The following TOPAZ1 variants were observed in gnomAD, a reference collection of about 807,000 sequenced individuals.
The protein encoded by TOPAZ1 is protein TOPAZ1.
In TOPAZ1, 66 loss-of-function variants were observed where a neutral mutation model predicts 172.2. That is an observed-to-expected ratio of 0.38 (90% CI 0.31 to 0.47). TOPAZ1 has a LOEUF of 0.47. Ranked by LOEUF, TOPAZ1 falls within the 20% of genes least tolerant of loss-of-function variation. TOPAZ1 has a pLI of 0.99. For synonymous variants in TOPAZ1, 681 were observed against 683.9 expected (o/e 1.00, Z 0.07); for missense variants, 1,822 against 1,972.4 (o/e 0.92, Z 1.44).
At chr3:44,292,674 T>C (rs543680887) in intron 12 of TOPAZ1, among the ~76,000 whole-genome samples, 1 of 152,336 alleles carries the variant, frequency 6.6e-6, no homozygotes, top group African/African-American at 2.4e-5. Flanking sequence ...TGTGTAATAG[T>C]TGTATATGTT....
intron 5 of TOPAZ1, among the ~76,000 whole-genome samples, chr3:44,264,377 C>G (rs1699806732): frequency 6.6e-6 from 1 of 152,222 alleles, no homozygotes; most frequent in Non-Finnish European, 1.5e-5. Context: ...GTTATGCTTA[C>G]ACTGTACTTT....
chr3:44,282,208 A>G (rs1482111297), intron 9 of TOPAZ1, among the ~76,000 whole-genome samples, 177 bp downstream of exon 9: 3 of 152,324 alleles, frequency 2.0e-5, no homozygotes, highest in Non-Finnish European at 2.9e-5. Context: ...AAAAATGATA[A>G]TCTACCTAAC....
Position 44,304,034 on chromosome 3 carries a change from A to G in TOPAZ1, c.3817A>G (p.Lys1273Glu). 1 of 1,538,862 alleles carries G rather than the reference A, an allele frequency of 6.5e-7. No individual in the cohort carries two copies. Among genetic ancestry groups the G allele is most frequent in the Non-Finnish European group, 8.8e-7 (1 of 1,137,062 alleles). ...TTAAAGGTTACAGATGAGACGATTTAAAAAGAACTGGAAGTGTGATTTAGA... is the reference window on the plus strand; with the variant it reads ...TTAAAGGTTACAGATGAGACGATTTGAAAAGAACTGGAAGTGTGATTTAGA... ...MKSRLQMRRF[K>E]KNWKCDLDSA... is the part of the protein sequence containing the mutation. The change falls in exon 13 of 20, where the codon AAA becomes GAA. Residue 1273 changes from lysine (K) to glutamate (E), a missense_variant. Around this residue, in one of 2 missense-constraint regions of TOPAZ1, gnomAD observed 1,489 missense variants for 1,490.8 expected, o/e 1.00. Coordinates refer to ENST00000309765, the MANE Select transcript of TOPAZ1 (RefSeq NM_001145030.2).
intron 8 of TOPAZ1, among the ~76,000 whole-genome samples, chr3:44,279,889 CCTTT>C (rs1575718751): frequency 6.6e-6 from 1 of 151,902 alleles, no homozygotes; most frequent in East Asian, 1.9e-4. Flanking sequence ...ATCCTTTGTT[CCTTT>C]CTTTCTCTCT....
intron 11 of TOPAZ1, among the ~76,000 whole-genome samples, chr3:44,290,252 G>A (rs893286996): frequency 7.9e-5 from 12 of 152,280 alleles, no homozygotes; most frequent in African/African-American, 2.6e-4. Context: ...CTTCATTAGC[G>A]TTGAGGCTCA....
intron 12 of TOPAZ1, among the ~76,000 whole-genome samples, chr3:44,295,903 C>T (rs2125695808): frequency 6.6e-6 from 1 of 152,200 alleles, no homozygotes; most frequent in Non-Finnish European, 1.5e-5. Flanking sequence ...ACACTGTACC[C>T]CAAAACAGCA....
Position 44,244,475 on chromosome 3 carries a change from A to C in TOPAZ1, c.1969A>C (p.Lys657Gln). 1 of 1,551,752 alleles carries C rather than the reference A, an allele frequency of 6.4e-7. No individual in the cohort carries two copies. Among genetic ancestry groups the C allele is most frequent in the East Asian group, 2.4e-5 (1 of 40,914 alleles). The change falls in exon 2 of 20, where the codon AAA (lysine) becomes CAA (glutamine). Residue 657 changes from lysine to glutamine, a missense_variant. Coordinates refer to ENST00000309765, the MANE Select transcript of TOPAZ1 (RefSeq NM_001145030.2). ...DGQEANNSAG[K>Q]TIHRKACIAQ... ...TCAGGAAGCAAATAACTCTGCAGGC[A>C]AAACTATTCATCGAAAAGCATGCAT...
chr3:44,265,387 C>G (rs1575711801), intron 5 of TOPAZ1, among the ~76,000 whole-genome samples: 1 of 152,198 alleles, frequency 6.6e-6, no homozygotes, highest in Middle Eastern at 3.4e-3. Context: ...TGAAACCCCA[C>G]CTCTACTAAA....
rs1361879162 is a variant in TOPAZ1, at chr3:44,323,286, C to T, written c.4666C>T (p.His1556Tyr). Residue 1556 changes from histidine (H) to tyrosine (Y), a missense_variant, in exon 18 of 20, where the codon CAC becomes TAC. Around this residue, in one of 2 missense-constraint regions of TOPAZ1, gnomAD observed 333 missense variants for 481.7 expected, o/e 0.69. Transcript: ENST00000309765. ...TCGTTTATGGCTCAAAGCCAGAGCC[C>T]ACTACAAAAGTAAGTTACATTTAAA... Reference protein sequence around the residue: ...RSRLWLKARAHYKSALSLGCY... With the variant: ...RSRLWLKARAYYKSALSLGCY... The T allele has an allele frequency of 6.5e-6, 10 of 1,539,682 alleles. No individual in the cohort carries two copies. The highest frequency in any genetic ancestry group is 8.8e-6 in the Non-Finnish European group (10 of 1,141,618).
At chr3:44,293,349 G>GTA (rs1366613478) in intron 12 of TOPAZ1, among the ~76,000 whole-genome samples, 1 of 152,044 alleles carries the variant, frequency 6.6e-6, no homozygotes, top group Non-Finnish European at 1.5e-5. Context: ...CCTCCAGAAG[G>GTA]TATTCCAGAA....
In TOPAZ1 at chr3:44,244,730, C is replaced by G; in HGVS notation, c.2224C>G (p.Pro742Ala). 1 of 1,551,474 alleles carries G rather than the reference C, an allele frequency of 6.4e-7. No homozygotes were observed. The highest frequency in any genetic ancestry group is 8.7e-7 in the Non-Finnish European group (1 of 1,146,956). ...KENVSMMMLG[P>A]QTLSIRNSVT... is the part of the protein sequence containing the mutation. The stretch of plus-strand genomic sequence containing the variant: ...AAATGTCTCCATGATGATGTTAGGA[C>G]CTCAAACTTTGAGCATACGAAATAG... Residue 742 changes from proline (P) to alanine (A), a missense_variant, in exon 2 of 20, where the codon CCT becomes GCT. Around this residue, in one of 2 missense-constraint regions of TOPAZ1, gnomAD observed 1,489 missense variants for 1,490.8 expected, o/e 1.00. Transcript: ENST00000309765.
intron 8 of TOPAZ1, among the ~76,000 whole-genome samples, chr3:44,280,863 G>T (rs968798538): frequency 1.3e-5 from 2 of 152,190 alleles, no homozygotes; most frequent in Non-Finnish European, 2.9e-5. Context: ...CCAGGGCAGG[G>T]TTACAATCTG....
At chr3:44,310,075 G>A (rs530402932) in intron 16 of TOPAZ1, 85 bp downstream of exon 16, 2 of 1,250,176 alleles carry the variant, frequency 1.6e-6, no homozygotes, top group Non-Finnish European at 2.2e-6. Flanking sequence ...AGTTGATATT[G>A]AACTGTGGTT....
At chr3:44,300,865 A>G (rs1004746423) in intron 12 of TOPAZ1, among the ~76,000 whole-genome samples, 1 of 152,180 alleles carries the variant, frequency 6.6e-6, no homozygotes, top group Non-Finnish European at 1.5e-5. Flanking sequence ...AAAAAAAAAA[A>G]AACTCAGATA....
At chr3:44,318,240 T>G (rs1700471858) in intron 16 of TOPAZ1, among the ~76,000 whole-genome samples, 1 of 152,038 alleles carries the variant, frequency 6.6e-6, no homozygotes, top group Non-Finnish European at 1.5e-5. Flanking sequence ...TCACCTGAGG[T>G]CAGGAGTTCG....
At chr3:44,319,571 T>G (rs1700487662) in intron 16 of TOPAZ1, among the ~76,000 whole-genome samples, 1 of 152,212 alleles carries the variant, frequency 6.6e-6, no homozygotes, top group African/African-American at 2.4e-5. Context: ...TAATGGGAAT[T>G]ATGTTTAACA....
Position 44,244,693 on chromosome 3 carries a change from C to A in TOPAZ1, c.2187C>A (p.Asn729Lys). Residue 729 changes from asparagine to lysine, a missense_variant, in exon 2 of 20, where the codon AAC becomes AAA. Physicochemically the swap from Asn to Lys is moderately conservative, Grantham distance 94 (BLOSUM62 0). Coordinates refer to ENST00000309765, the MANE Select transcript of TOPAZ1 (RefSeq NM_001145030.2). ...DNLSGADVRQ[N>K]RSKENVSMMM... Reference sequence around the variant, plus strand: ...TATCTGGAGCAGACGTAAGACAGAACAGGAGTAAAGAAAATGTCTCCATGA... The same window carrying A: ...TATCTGGAGCAGACGTAAGACAGAAAAGGAGTAAAGAAAATGTCTCCATGA... 1 of 1,551,342 alleles carries A rather than the reference C, an allele frequency of 6.4e-7. No individual in the cohort carries two copies. The highest frequency in any genetic ancestry group is 8.7e-7 in the Non-Finnish European group (1 of 1,146,938).
At chr3:44,265,768 A>C (rs1389298882) in intron 5 of TOPAZ1, among the ~76,000 whole-genome samples, 1 of 152,180 alleles carries the variant, frequency 6.6e-6, no homozygotes, top group Non-Finnish European at 1.5e-5. Flanking sequence ...TTTATAGGGC[A>C]CAGAAAGAAT....
intron 15 of TOPAZ1, among the ~76,000 whole-genome samples, chr3:44,307,009 G>C (rs1700343186): frequency 2.0e-5 from 3 of 151,922 alleles, no homozygotes; most frequent in Non-Finnish European, 2.9e-5. Flanking sequence ...ACATTTCTTT[G>C]TTTGTGGGGT....
Sources: gnomAD v4.1 joint callset for allele counts (sites outside exome capture counted in the v4.1 genomes callset) on GRCh38, gnomAD v4.1.1 for gene constraint, gnomAD v4.1.1 regional missense constraint, MANE v1.5 for transcripts, NCBI Gene and HGNC (gene_info 2026-07-23, HGNC 2026-07-21) for gene names.